METTL21A: variants seen among roughly 807,000 people sequenced by gnomAD.
METTL21A encodes the protein protein N-lysine methyltransferase METTL21A.
In METTL21A, 22 loss-of-function variants were observed where a neutral mutation model predicts 20.9. That is an observed-to-expected ratio of 1.05 (90% confidence interval 0.75 to 1.50). The LOEUF (loss-of-function observed/expected upper bound fraction) is 1.50, where lower values mean the gene tolerates loss of function less well. Among genes scored for constraint, METTL21A ranks in the 40% most tolerant of loss-of-function variants. The pLI, the probability that METTL21A is intolerant of heterozygous loss-of-function variation, is 0.00. For missense variants in METTL21A, 271 were observed against 266.8 expected, an observed-to-expected ratio of 1.02 and a Z score of -0.11; for synonymous variants, 93 against 102.0, an observed-to-expected ratio of 0.91 and a Z score of 0.53.
chr2:207,607,426 T>C (rs2088286386), downstream of METTL21A, among the ~76,000 whole-genome samples: 2 of 151,260 alleles, frequency 1.3e-5, no homozygotes, highest in South Asian at 2.1e-4. Context: ...AAGAAAACGA[T>C]ATATGGATAT....
At chr2:207,594,761 T>C (rs1309151360) in intron 3 of METTL21A, among the ~76,000 whole-genome samples, 1 of 152,204 alleles carries the variant, frequency 6.6e-6, no homozygotes, top group Non-Finnish European at 1.5e-5. Flanking sequence ...GATCATATGG[T>C]AAATTTTGTT....
At chr2:207,623,192 C>A (rs2090704454) in intron 2 of METTL21A, among the ~76,000 whole-genome samples, 1 of 152,220 alleles carries the variant, frequency 6.6e-6, no homozygotes, top group South Asian at 2.1e-4. Flanking sequence ...GTGTGAGCCA[C>A]CACACCAGGC....
intron 3 of METTL21A, among the ~76,000 whole-genome samples, chr2:207,618,313 G>A (rs2090041515): frequency 1.3e-5 from 2 of 152,162 alleles, no homozygotes; most frequent in South Asian, 4.1e-4. Context: ...CCCAGTGGAT[G>A]CCTGAAACCA....
chr2:207,590,951 T>G (rs895540273), intron 3 of METTL21A, among the ~76,000 whole-genome samples: 1 of 152,220 alleles, frequency 6.6e-6, no homozygotes, highest in African/African-American at 2.4e-5. Flanking sequence ...AAAAATTTTT[T>G]TATTTCCTTT....
chr2:207,608,859 G>A (rs527855208), downstream of METTL21A, among the ~76,000 whole-genome samples: 24 of 152,334 alleles, frequency 1.6e-4, 1 homozygote, highest in South Asian at 1.9e-3. Flanking sequence ...TACGGGAGGC[G>A]GAGCTTGCAG....
At chr2:207,608,539 T>C (rs538881297), downstream of METTL21A, among the ~76,000 whole-genome samples, 97 of 152,272 alleles carry the variant, frequency 6.4e-4, no homozygotes, top group Non-Finnish European at 1.2e-3. Flanking sequence ...GCTTACCTCA[T>C]TTGGTAGATC....
At chr2:207,608,200 G>A (rs80217640), downstream of METTL21A, among the ~76,000 whole-genome samples, 231 of 152,078 alleles carry the variant, frequency 1.5e-3, 1 homozygote, top group African/African-American at 5.4e-3. Flanking sequence ...GGACTTCCCC[G>A]ACTACATCCC....
chr2:207,624,426 G>T (rs1172006756), intron 1 of METTL21A, 22 bp from the exon 2 acceptor site: 1 of 1,569,536 alleles, frequency 6.4e-7, no homozygotes, highest in Admixed American at 1.9e-5. Flanking sequence ...AAGAATCCTG[G>T]GTGACGCTCT....
At chr2:207,614,350 G>A (rs998472495) in intron 3 of METTL21A, among the ~76,000 whole-genome samples, 1 of 149,780 alleles carries the variant, frequency 6.7e-6, no homozygotes, top group African/African-American at 2.5e-5. Context: ...AACTGTTATT[G>A]TGCCTGGGCA....
Position 207,613,316 on chromosome 2 carries a change from CA to C in METTL21A, c.386del (p.Leu129TrpfsTer11), listed in dbSNP as rs769448522. ...CAAATTCTCCAGGAGAAAAACTCCC[CA>C]AATTTTGTCCCCAAGTCAGCTCCTT... is the stretch of plus-strand genomic sequence containing the variant. On this transcript the variant is annotated frameshift_variant, in exon 4 of 4. Transcript: ENST00000406927. LOFTEE classifies it high-confidence loss of function. The C allele has an allele frequency of 6.2e-7, 1 of 1,614,092 alleles. No homozygotes were observed. Among genetic ancestry groups the C allele is most frequent in the East Asian group, 2.2e-5 (1 of 44,870 alleles).
At chr2:207,613,425 G>A (rs369593727) in exon 4 of METTL21A, 4 of 1,596,486 alleles carry the variant, frequency 2.5e-6, no homozygotes, top group African/African-American at 1.3e-5. Flanking sequence ...TTTTCGATCC[G>A]TGATAGTCAC....
chr2:207,602,557 C>CTT (rs2087264204), intron 3 of METTL21A: 1 of 211,000 alleles, frequency 4.7e-6, no homozygotes, highest in Non-Finnish European at 9.6e-6. Context: ...GAGAGTAAAT[C>CTT]TGAGTTAGCT....
At chr2:207,591,443 T>G (rs1374551303) in intron 3 of METTL21A, among the ~76,000 whole-genome samples, 2 of 152,232 alleles carry the variant, frequency 1.3e-5, no homozygotes, top group Non-Finnish European at 2.9e-5. Context: ...TTTTTGTTTG[T>G]TGAGACAGAA....
At chr2:207,622,997 T>C (rs1179412448) in intron 2 of METTL21A, among the ~76,000 whole-genome samples, 1 of 151,928 alleles carries the variant, frequency 6.6e-6, no homozygotes, top group Non-Finnish European at 1.5e-5. Flanking sequence ...AACCTCTGCC[T>C]CCCAGGTTCA....
At chr2:207,598,353 G>C (rs1200200187) in intron 3 of METTL21A, 3 of 183,584 alleles carry the variant, frequency 1.6e-5, no homozygotes, top group Non-Finnish European at 3.5e-5. Context: ...ATGCTGTATA[G>C]CCTTTGTCAT....
Position 207,624,134 on chromosome 2 carries a change from A to G in METTL21A, c.147+95T>C, listed in dbSNP as rs1385341889. ...AATAGGTAAAGTGTATGCTATGTGAATTATATCTCAATAAAGCTGTTCTAA... is the reference window on the plus strand; with the variant it reads ...AATAGGTAAAGTGTATGCTATGTGAGTTATATCTCAATAAAGCTGTTCTAA... On this transcript the variant is annotated intron_variant, in intron 2 of 3. Coordinates refer to ENST00000406927, the Ensembl canonical transcript of METTL21A. The G allele has an allele frequency of 3.5e-6, 5 of 1,411,594 alleles. No individual in the cohort carries two copies. The African/African-American group carries it at 7.2e-5, about 20-fold the overall frequency. The allele number at this position is 1,411,594 out of a possible 1,614,324, so 87.4% of individuals were successfully genotyped here. A position where few individuals can be genotyped will look rare whatever the true frequency, so the allele number is the denominator to read the frequency against.
intron 3 of METTL21A, among the ~76,000 whole-genome samples, chr2:207,619,419 T>C (rs183735277): frequency 9.2e-5 from 14 of 152,306 alleles, no homozygotes; most frequent in Admixed American, 7.2e-4. Flanking sequence ...TACTCACTGA[T>C]TCTATTTTGA....
chr2:207,620,160 C>G (rs1476855045), intron 3 of METTL21A, among the ~76,000 whole-genome samples: 1 of 152,084 alleles, frequency 6.6e-6, no homozygotes, highest in Non-Finnish European at 1.5e-5. Context: ...AAAAATAAAA[C>G]AGGCCAGGCA....
intron 3 of METTL21A, among the ~76,000 whole-genome samples, chr2:207,616,183 T>TAA (rs879266938): frequency 6.8e-6 from 1 of 146,038 alleles, no homozygotes. Context: ...CTATCTCTTT[T>TAA]AAAAAAAAAA....
Sources: gnomAD v4.1 joint callset for allele counts (sites outside exome capture counted in the v4.1 genomes callset) on GRCh38, gnomAD v4.1.1 for gene constraint, MANE v1.5 for transcripts, NCBI Gene and HGNC (gene_info 2026-07-23, HGNC 2026-07-21) for gene names.